Variants in DCT observed in about 807,000 individuals in gnomAD.
DCT encodes the protein dopachrome tautomerase, also known as L-dopachrome tautomerase.
DCT carries 47 observed loss-of-function variants against 53.0 expected under a neutral mutation model. The observed-to-expected ratio is 0.89, with a 90% confidence interval of 0.70 to 1.13. The LOEUF (loss-of-function observed/expected upper bound fraction) is 1.13. DCT is among the 50% of genes most tolerant of loss of function. The probability of loss-of-function intolerance (pLI) is 0.00; values close to 1 mark genes in which losing one functional copy is unlikely to be tolerated. For synonymous variants in DCT, 244 were observed against 237.0 expected (o/e 1.03, Z -0.27); for missense variants, 669 against 637.4 (o/e 1.05, Z -0.53).
At chr13:94,462,274 G>A in intron 4 of DCT, 85 bp from the exon 5 acceptor site, 1 of 1,011,714 alleles carries the variant, frequency 9.9e-7, no homozygotes, top group Non-Finnish European at 1.5e-6. Context: ...TTGGGAGGTT[G>A]AGGCAGGTGG....
the DCT span, among the ~76,000 whole-genome samples, chr13:94,508,899 G>C: frequency 6.6e-6 from 1 of 152,180 alleles, no homozygotes; most frequent in African/African-American, 2.4e-5. Context: ...ACAGGGGATT[G>C]GTACTTAAAT....
the DCT span, among the ~76,000 whole-genome samples, chr13:94,506,026 C>G: frequency 1.3e-5 from 2 of 152,174 alleles, no homozygotes; most frequent in Admixed American, 1.3e-4. Context: ...GCCTGGATTC[C>G]TGATCCACAG....
the DCT span, among the ~76,000 whole-genome samples, chr13:94,493,413 G>A: frequency 6.6e-6 from 1 of 152,294 alleles, no homozygotes; most frequent in Non-Finnish European, 1.5e-5. Flanking sequence ...CAGAGTGGTA[G>A]GTATGGCTGT....
intron 6 of DCT, among the ~76,000 whole-genome samples, chr13:94,458,627 C>T (rs1186424957): frequency 6.6e-6 from 1 of 151,930 alleles, no homozygotes; most frequent in Admixed American, 6.6e-5. Context: ...TATGGTGAAA[C>T]CTTGTCTCTA....
intron 7 of DCT, among the ~76,000 whole-genome samples, chr13:94,442,859 T>C (rs1882436759): frequency 1.3e-5 from 2 of 152,246 alleles, no homozygotes; most frequent in African/African-American, 4.8e-5. Flanking sequence ...TTATTTAAAA[T>C]TTTGATGATG....
At chr13:94,466,037 G>A (rs1884200730) in intron 3 of DCT, among the ~76,000 whole-genome samples, 1 of 119,152 alleles carries the variant, frequency 8.4e-6, no homozygotes, top group Admixed American at 9.5e-5. Flanking sequence ...GTGTACAATG[G>A]AGTATTATTC....
rs1321996386 is a variant in DCT, at chr13:94,438,047, A to G, written c.*1851T>C. 3 of 152,234 alleles carry G rather than the reference A, an allele frequency of 2.0e-5. No individual in the cohort carries two copies. Among genetic ancestry groups the G allele is most frequent in the Non-Finnish European group, 4.4e-5 (3 of 68,046 alleles). The allele number at this position is 152,234 out of a possible 1,614,324, so 9.4% of individuals were successfully genotyped here. A position where few individuals can be genotyped will look rare whatever the true frequency, so the allele number is the denominator to read the frequency against. On this transcript the variant is annotated 3_prime_UTR_variant, in exon 8 of 8. Transcript: ENST00000377028. ...ATTATTCGTAATAGTTCACTTATAA[A>G]AAGTAACTTCTGGCGCTTTTAACAT...
At chr13:94,491,635 T>C in the DCT span, among the ~76,000 whole-genome samples, 1 of 152,156 alleles carries the variant, frequency 6.6e-6, no homozygotes, top group Non-Finnish European at 1.5e-5. Context: ...ATCCTCAAAC[T>C]TTTGGGATTA....
the DCT span, among the ~76,000 whole-genome samples, chr13:94,531,636 C>T: frequency 3.3e-4 from 50 of 152,200 alleles, 1 homozygote; most frequent in South Asian, 8.9e-3. Context: ...ATACAAAAAT[C>T]AACTCAAGAT....
At position 94,443,512 on chromosome 13, in the gene DCT, G is replaced by A. The variant is rs765438358; in HGVS notation, c.1305C>T (p.Phe435=). Residue 435 remains phenylalanine, a synonymous_variant, in exon 7 of 8, where the codon TTC becomes TTT. Coordinates refer to ENST00000377028, the MANE Select transcript of DCT (RefSeq NM_001922.5). The part of the protein sequence containing the change: ...GHNRMYNMVP[F]FPPVTNEELF... ...GTTCTTCATTAGTCACTGGAGGGAA[G>A]AAAGGAACCATGTTGTACATCCGAT... is the stretch of plus-strand genomic sequence containing the variant. 6.2e-6 allele frequency: 10 copies of A among 1,613,928 alleles called. No homozygotes were observed. Among genetic ancestry groups the A allele is most frequent in the Non-Finnish European group, 8.5e-6 (10 of 1,179,920 alleles).
the DCT span, among the ~76,000 whole-genome samples, chr13:94,517,894 C>T: frequency 6.6e-6 from 1 of 152,018 alleles, no homozygotes; most frequent in Non-Finnish European, 1.5e-5. Context: ...GGAATGAATT[C>T]TCCCCACTAC....
chr13:94,507,819 T>A, the DCT span, among the ~76,000 whole-genome samples: 2 of 152,232 alleles, frequency 1.3e-5, no homozygotes, highest in Non-Finnish European at 2.9e-5. Context: ...CTATTTTTTA[T>A]CTAAACTCTT....
chr13:94,510,723 T>C, the DCT span, among the ~76,000 whole-genome samples: 4,861 of 152,268 alleles, frequency 0.032, 257 homozygotes, highest in African/African-American at 0.11. Flanking sequence ...CTTTTACCAC[T>C]GTACATTATG....
At chr13:94,533,404 G>A in the DCT span, among the ~76,000 whole-genome samples, 1 of 151,896 alleles carries the variant, frequency 6.6e-6, no homozygotes, top group Admixed American at 6.6e-5. Context: ...AATCCTGTAA[G>A]ACAGGCCAAA....
At chr13:94,478,918 C>T in intron 1 of DCT, 43 bp downstream of exon 1, 1 of 1,543,476 alleles carries the variant, frequency 6.5e-7, no homozygotes, top group Middle Eastern at 1.9e-4. Flanking sequence ...AGCTCTTTCC[C>T]CAGCTCTGGC....
the DCT span, among the ~76,000 whole-genome samples, chr13:94,501,795 T>A: frequency 6.6e-6 from 1 of 151,974 alleles, no homozygotes; most frequent in Non-Finnish European, 1.5e-5. Flanking sequence ...TGTGGCGCAC[T>A]AGGTGCAAGA....
intron 6 of DCT, among the ~76,000 whole-genome samples, chr13:94,454,904 TTTTG>T (rs1343946268): frequency 1.3e-5 from 2 of 152,206 alleles, no homozygotes; most frequent in Admixed American, 1.3e-4. Context: ...CGCTGTGGCT[TTTTG>T]TTTATTTATA....
intron 1 of DCT, among the ~76,000 whole-genome samples, chr13:94,474,026 C>T (rs536992992): frequency 1.3e-5 from 2 of 152,264 alleles, no homozygotes; most frequent in East Asian, 3.9e-4. Flanking sequence ...TTCCTAATAG[C>T]ATCTTCCATC....
At chr13:94,499,587 C>G in the DCT span, among the ~76,000 whole-genome samples, 1 of 151,998 alleles carries the variant, frequency 6.6e-6, no homozygotes, top group East Asian at 1.9e-4. Context: ...ATTAGATGGC[C>G]TAATTTTAAA....
Sources: allele counts gnomAD v4.1 joint callset (sites outside exome capture counted in the v4.1 genomes callset), GRCh38; gene constraint gnomAD v4.1.1; transcripts MANE v1.5; gene names NCBI Gene and HGNC (gene_info 2026-07-23, HGNC 2026-07-21).